The following DNAJC18 variants were observed in gnomAD, a reference collection of about 807,000 sequenced individuals.
DNAJC18 encodes the protein dnaJ homolog subfamily C member 18.
A neutral mutation model predicts 48.6 loss-of-function variants in DNAJC18; 40 were observed. That is an observed-to-expected ratio of 0.82 (90% CI 0.64 to 1.07). The LOEUF (loss-of-function observed/expected upper bound fraction) is 1.07, where lower values mean the gene tolerates loss of function less well. DNAJC18 is among the 50% of genes least tolerant of loss of function. The pLI is 0.00. For synonymous variants in DNAJC18, 135 were observed against 152.2 expected (o/e 0.89, Z 0.83); for missense variants, 340 against 427.7 (o/e 0.79, Z 1.81).
rs1759007477 is a variant in DNAJC18 at position 139,412,375 on chromosome 5, C to T, written c.*1773G>A. On this transcript the variant is annotated 3_prime_UTR_variant, in exon 8 of 8. Coordinates refer to ENST00000302060, the MANE Select transcript of DNAJC18 (RefSeq NM_152686.4). Reference sequence around the variant, plus strand: ...TTGCAAGTTGCAGCGATTCTCATGCCTCAGCCTCCCGAGTAGCTGGGACTA... The same window carrying T: ...TTGCAAGTTGCAGCGATTCTCATGCTTCAGCCTCCCGAGTAGCTGGGACTA... 4.9e-6 allele frequency: 1 copy of T among 202,088 alleles called. No homozygotes were observed. Among genetic ancestry groups the T allele is most frequent in the Admixed American group, 6.0e-5 (1 of 16,734 alleles). 12.5% of individuals were successfully genotyped at this position (202,088 alleles called of 1,614,324 possible). A position where few individuals can be genotyped will look rare whatever the true frequency, so the allele number is the denominator to read the frequency against.
intron 2 of DNAJC18, among the ~76,000 whole-genome samples, chr5:139,435,662 C>T (rs979609044): frequency 7.2e-6 from 1 of 139,080 alleles, no homozygotes; most frequent in Non-Finnish European, 1.5e-5. Flanking sequence ...ATACTGGTCT[C>T]AAAGAATGAA....
At chr5:139,422,994 C>G (rs1274029144) in intron 5 of DNAJC18, among the ~76,000 whole-genome samples, 177 bp from the exon 6 acceptor site, 1 of 151,922 alleles carries the variant, frequency 6.6e-6, no homozygotes, top group Non-Finnish European at 1.5e-5. Context: ...CGCCACCACG[C>G]CCGGCTTAGT....
At chr5:139,415,686 G>A (rs1759060535) in intron 7 of DNAJC18, among the ~76,000 whole-genome samples, 1 of 152,182 alleles carries the variant, frequency 6.6e-6, no homozygotes. Flanking sequence ...TCCTGCCCAG[G>A]GCTCGGCACT....
At position 139,420,220 on chromosome 5, in the gene DNAJC18, A is replaced by G. The variant is rs1415016722; in HGVS notation, c.785T>C (p.Leu262Ser). ...AGTTTCTCTAGAAATGGTGTAGCCC[A>G]AGGTCCTGAAACAAGGAGAGAGAGG... Reference protein sequence around the residue: ...PPYSLFYKSTLGYTISRETQN... With the variant: ...PPYSLFYKSTSGYTISRETQN... Residue 262 changes from leucine (L) to serine (S), a missense_variant, in exon 7 of 8, where the codon TTG (leucine) becomes TCG (serine). Transcript: ENST00000302060. The G allele has an allele frequency of 2.5e-6, 4 of 1,606,324 alleles. No homozygotes were observed. Among genetic ancestry groups the G allele is most frequent in the Non-Finnish European group, 2.5e-6 (3 of 1,178,146 alleles).
At chr5:139,428,809 A>T (rs1179927940) in intron 2 of DNAJC18, 126 bp from the exon 3 acceptor site, 6 of 1,138,868 alleles carry the variant, frequency 5.3e-6, no homozygotes, top group Non-Finnish European at 4.9e-6. Context: ...ATTAGTGCAC[A>T]CGTTAATGAA....
intron 1 of DNAJC18, among the ~76,000 whole-genome samples, chr5:139,438,796 T>G (rs1012276709): frequency 2.0e-5 from 3 of 152,210 alleles, no homozygotes; most frequent in Non-Finnish European, 4.4e-5. Flanking sequence ...CTGACCTTGC[T>G]GTGTAGCCCA....
chr5:139,415,356 G>C (rs1239741258), intron 7 of DNAJC18, among the ~76,000 whole-genome samples: 1 of 152,172 alleles, frequency 6.6e-6, no homozygotes, highest in Non-Finnish European at 1.5e-5. Flanking sequence ...ACACTGTCTG[G>C]CATTTCTGTG....
chr5:139,431,094 G>A (rs1759323672), intron 2 of DNAJC18, among the ~76,000 whole-genome samples: 1 of 152,110 alleles, frequency 6.6e-6, no homozygotes. Context: ...TTCCACATGA[G>A]CTGCCCATGG....
chr5:139,418,147 C>T (rs557238382), intron 7 of DNAJC18, among the ~76,000 whole-genome samples: 28 of 152,158 alleles, frequency 1.8e-4, no homozygotes, highest in Non-Finnish European at 4.0e-4. Context: ...CATACACTGG[C>T]TTTCACCTGA....
rs1209330215 is a variant in DNAJC18 at position 139,410,331 on chromosome 5, C to T, written c.*3817G>A. 2 of 152,122 alleles carry T rather than the reference C, an allele frequency of 1.3e-5. No individual in the cohort carries two copies. Among genetic ancestry groups the T allele is most frequent in the Admixed American group, 1.3e-4 (2 of 15,280 alleles). 9.4% of individuals were successfully genotyped at this position (152,122 alleles called of 1,614,324 possible). A position where few individuals can be genotyped will look rare whatever the true frequency, so the allele number is the denominator to read the frequency against. Reference sequence around the variant, plus strand: ...AGGAGCTGATTCCATTTGTGTCATCCCTACTCTGGTCACAGAACATTCACA... The same window carrying T: ...AGGAGCTGATTCCATTTGTGTCATCTCTACTCTGGTCACAGAACATTCACA... On this transcript the variant is annotated 3_prime_UTR_variant, in exon 8 of 8. Transcript: ENST00000302060.
intron 2 of DNAJC18, among the ~76,000 whole-genome samples, chr5:139,430,740 T>A (rs369416877): frequency 5.3e-5 from 8 of 152,026 alleles, no homozygotes; most frequent in African/African-American, 1.9e-4. Context: ...CAGCTAGTTT[T>A]TTGTATTTTT....
rs548970773 is a variant in DNAJC18 at position 139,424,088 on chromosome 5, T to G, written c.669+917A>C. Among the ~76,000 whole-genome samples, 23 of 152,328 alleles carry G rather than the reference T, an allele frequency of 1.5e-4. 1 individual carries two copies. In the South Asian group the frequency reaches 4.4e-3, roughly 29 times the overall value. ...GTTTTCTCTCCTAGGAATTTGGGGTTGAAACTCATCACCCTTCACTTCTGG... is the reference window on the plus strand; with the variant it reads ...GTTTTCTCTCCTAGGAATTTGGGGTGGAAACTCATCACCCTTCACTTCTGG... On this transcript the variant is annotated intron_variant, in intron 5 of 7. Transcript: ENST00000302060.
chr5:139,426,013 T>TG (rs1311460216), intron 4 of DNAJC18, among the ~76,000 whole-genome samples, 159 bp downstream of exon 4: 4 of 152,192 alleles, frequency 2.6e-5, no homozygotes, highest in Non-Finnish European at 5.9e-5. Context: ...TATGCACAGC[T>TG]GGGGGCTGGA....
At chr5:139,422,868 T>C (rs1166695686) in intron 5 of DNAJC18, 51 bp from the exon 6 acceptor site, 1 of 1,372,698 alleles carries the variant, frequency 7.3e-7, no homozygotes, top group South Asian at 1.3e-5. Context: ...TTTTTTTTTT[T>C]TCTGTCGCCC....
chr5:139,437,658 G>C, intron 1 of DNAJC18, 100 bp from the exon 2 acceptor site: 1 of 1,404,570 alleles, frequency 7.1e-7, no homozygotes, highest in Admixed American at 2.5e-5. Flanking sequence ...AGCATGAGAA[G>C]GTAAGCATGA....
Position 139,422,729 on chromosome 5 carries a change from G to A in DNAJC18, c.758C>T (p.Pro253Leu), listed in dbSNP as rs1759174422. 1 of 1,607,996 alleles carries A rather than the reference G, an allele frequency of 6.2e-7. No homozygotes were observed. The highest frequency in any genetic ancestry group is 1.3e-5 in the African/African-American group (1 of 74,536). ...TTACGATTTATAGAACAGACTATAT[G>A]GGGGATTAGTAGCCAGCAGCTGAGT... ...VITQLLATNP[P>L]YSLFYKSTLG... Residue 253 changes from proline to leucine, a missense_variant, in exon 6 of 8, where the codon CCA (proline) becomes CTA (leucine). By Grantham distance (98) the Pro-to-Leu change is moderately conservative. Coordinates refer to ENST00000302060, the MANE Select transcript of DNAJC18 (RefSeq NM_152686.4).
intron 2 of DNAJC18, among the ~76,000 whole-genome samples, chr5:139,433,816 A>C (rs1052017615): frequency 6.6e-6 from 1 of 152,374 alleles, no homozygotes; most frequent in African/African-American, 2.4e-5. Context: ...ACTAGAATCT[A>C]GATATATTTT....
In DNAJC18 at chr5:139,417,473, G is replaced by A. The variant is rs140394988; in HGVS notation, c.952+2580C>T. Among the ~76,000 whole-genome samples the A allele has an allele frequency of 3.1e-3, 469 of 152,072 alleles. 3 individuals are homozygous for A. Among genetic ancestry groups the A allele is most frequent in the Middle Eastern group, 0.027 (8 of 292 alleles). On this transcript the variant is annotated intron_variant, in intron 7 of 7. Transcript: ENST00000302060. ...GGTTGTGTGGAGGCTCTGCATAGCCGCTGTACTTAAATGCCAGAAATAGAT... is the reference window on the plus strand; with the variant it reads ...GGTTGTGTGGAGGCTCTGCATAGCCACTGTACTTAAATGCCAGAAATAGAT...
At chr5:139,416,470 A>AT (rs1759070332) in intron 7 of DNAJC18, among the ~76,000 whole-genome samples, 1 of 152,206 alleles carries the variant, frequency 6.6e-6, no homozygotes, top group Non-Finnish European at 1.5e-5. Context: ...TGCCCTCATG[A>AT]TCCAGCCCCA....
Sources: allele counts gnomAD v4.1 joint callset (sites outside exome capture counted in the v4.1 genomes callset), GRCh38; gene constraint gnomAD v4.1.1; transcripts MANE v1.5; gene names NCBI Gene and HGNC (gene_info 2026-07-23, HGNC 2026-07-21).